Variants in CCDC117 observed in about 807,000 individuals in gnomAD.
The protein encoded by CCDC117 is coiled-coil domain-containing protein 117.
CCDC117 carries 1 observed loss-of-function variant against 23.5 expected under a neutral mutation model. The observed-to-expected ratio is 0.04, with a 90% confidence interval of 0.02 to 0.20. The LOEUF (loss-of-function observed/expected upper bound fraction) is 0.20. Among genes scored for constraint, CCDC117 ranks in the 10% least tolerant of loss-of-function variants. The pLI is 1.00. For synonymous variants in CCDC117, 132 were observed against 124.8 expected (o/e 1.06, Z -0.39); for missense variants, 383 against 348.2 (o/e 1.10, Z -0.80).
chr22:28,773,062 AGGGCGGGC>A (rs139091725), intron 1 of CCDC117, 28 bp downstream of exon 1: 312,129 of 597,672 alleles, frequency 0.52, 64,841 homozygotes, highest in East Asian at 0.78. Flanking sequence ...CGCAGGGCGC[AGGGCGGGC>A]GGGCGGGCGG....
At chr22:28,778,427 G>A (rs993425858) in intron 2 of CCDC117, among the ~76,000 whole-genome samples, 5 of 152,078 alleles carry the variant, frequency 3.3e-5, no homozygotes, top group Non-Finnish European at 5.9e-5. Flanking sequence ...GGCCAACATG[G>A]TGAAACCTCT....
In CCDC117 at chr22:28,781,189, T is replaced by C. The variant is rs777218115; in HGVS notation, c.464+17T>C. On this transcript the variant is annotated intron_variant, in intron 3 of 4. Transcript: ENST00000249064. ...TGAGGACAGGTAAATGGGCAGTGTA[T>C]ATAGCTGGTTTTTTGCTGTTCTCTT... The C allele has an allele frequency of 7.9e-6, 12 of 1,527,106 alleles. No individual in the cohort carries two copies. In the Admixed American group the frequency reaches 1.7e-4, roughly 22 times the overall value. The allele number at this position is 1,527,106 out of a possible 1,614,324, so 94.6% of individuals were successfully genotyped here.
chr22:28,773,844 ATTAC>A (rs71194800), intron 2 of CCDC117, 66 bp downstream of exon 2: 30,644 of 1,230,862 alleles, frequency 0.025, 511 homozygotes, highest in Non-Finnish European at 0.03. Context: ...TATAGTCTAA[ATTAC>A]TTAAGTGAAA....
intron 2 of CCDC117, among the ~76,000 whole-genome samples, chr22:28,776,195 G>A (rs1306417423): frequency 3.8e-4 from 58 of 152,208 alleles, no homozygotes; most frequent in Non-Finnish European, 8.8e-5. Flanking sequence ...GATTGCTTGA[G>A]CCCAGGAATT....
Position 28,789,022 on chromosome 22 carries a change from A to G in CCDC117, c.*2696A>G, listed in dbSNP as rs533826248. On this transcript the variant is annotated 3_prime_UTR_variant, in exon 5 of 5. Transcript: ENST00000249064. ...TATGAAGAAAGTCCAGTTCTCATAA[A>G]TATTGATCACTTAAAAAACTTACTC... is the stretch of plus-strand genomic sequence containing the variant. The G allele has an allele frequency of 4.3e-4, 66 of 151,998 alleles. No individual in the cohort carries two copies. The highest frequency in any genetic ancestry group is 1.6e-3 in the African/African-American group (66 of 41,380). The allele number at this position is 151,998 out of a possible 1,614,324, so 9.4% of individuals were successfully genotyped here.
rs567452283 is a variant in CCDC117, at chr22:28,782,584, G to A, written c.465-924G>A. On this transcript the variant is annotated intron_variant, in intron 3 of 4. Transcript: ENST00000249064. The stretch of plus-strand genomic sequence containing the variant: ...CTCCTGAGTAGCTGGGATTGCAGGT[G>A]CCTGCCATCACACCTGGCTAATTTT... 7.2e-5 allele frequency among the ~76,000 whole-genome samples: 11 copies of A among 152,128 alleles called. No individual in the cohort carries two copies. In the East Asian group the frequency reaches 1.9e-3, roughly 27 times the overall value.
At chr22:28,782,656 C>T (rs1031476370) in intron 3 of CCDC117, among the ~76,000 whole-genome samples, 8 of 152,128 alleles carry the variant, frequency 5.3e-5, no homozygotes, top group Non-Finnish European at 8.8e-5. Flanking sequence ...CCAGGCTGGT[C>T]TCGAACTCCG....
intron 3 of CCDC117, among the ~76,000 whole-genome samples, chr22:28,782,006 TG>T (rs1224440866): frequency 6.8e-6 from 1 of 146,350 alleles, no homozygotes; most frequent in Non-Finnish European, 1.5e-5. Flanking sequence ...TGGAGTGCAG[TG>T]GCTCACTGCA....
intron 4 of CCDC117, among the ~76,000 whole-genome samples, chr22:28,783,931 C>T (rs963176239): frequency 1.6e-4 from 24 of 152,164 alleles, no homozygotes; most frequent in African/African-American, 5.8e-4. Context: ...AGAGAGCCCA[C>T]TCTCAAGTTC....
intron 2 of CCDC117, among the ~76,000 whole-genome samples, chr22:28,780,222 A>G (rs1359013952): frequency 6.6e-6 from 1 of 152,194 alleles, no homozygotes; most frequent in East Asian, 1.9e-4. Flanking sequence ...ATGTGAAGAC[A>G]TTATGTTGCA....
rs559344697 is a variant in CCDC117 at position 28,789,136 on chromosome 22, T to G, written c.*2810T>G. ...GAAGAATGTTTATCAGCACGTTCAT[T>G]TATTATTTTGGATTTGGAACTTGGC... On this transcript the variant is annotated 3_prime_UTR_variant, in exon 5 of 5. Transcript: ENST00000249064. 1 of 152,340 alleles carries G rather than the reference T, an allele frequency of 6.6e-6. No homozygotes were observed. The highest frequency in any genetic ancestry group is 2.1e-4 in the South Asian group (1 of 4,826). The allele number at this position is 152,340 out of a possible 1,614,324, so 9.4% of individuals were successfully genotyped here. A position where few individuals can be genotyped will look rare whatever the true frequency, so the allele number is the denominator to read the frequency against.
At chr22:28,779,692 C>A (rs1369284345) in intron 2 of CCDC117, among the ~76,000 whole-genome samples, 1 of 152,098 alleles carries the variant, frequency 6.6e-6, no homozygotes, top group Non-Finnish European at 1.5e-5. Context: ...TTGCCAGAGA[C>A]TTTAATGTTG....
chr22:28,783,714 C>A, intron 4 of CCDC117, 69 bp downstream of exon 4: 1 of 1,430,974 alleles, frequency 7.0e-7, no homozygotes, highest in Non-Finnish European at 9.7e-7. Flanking sequence ...TAGATTCTGC[C>A]CACCCTGTCC....
At position 28,773,790 on chromosome 22, in the gene CCDC117, T is replaced by G; in HGVS notation, c.239+12T>G. 6.2e-7 allele frequency: 1 copy of G among 1,609,484 alleles called. No individual in the cohort carries two copies. Among genetic ancestry groups the G allele is most frequent in the Non-Finnish European group, 8.5e-7 (1 of 1,175,874 alleles). On this transcript the variant is annotated intron_variant, in intron 2 of 4. Coordinates refer to ENST00000249064, the MANE Select transcript of CCDC117 (RefSeq NM_173510.4). ...GAGGAGGATGATGAGTAAGTTTCAG[T>G]GGTTGTTTATTCACTCTGTGGTCAC... is the stretch of plus-strand genomic sequence containing the variant.
chr22:28,778,046 CCTGT>C (rs2031221339), intron 2 of CCDC117, among the ~76,000 whole-genome samples: 1 of 151,902 alleles, frequency 6.6e-6, no homozygotes, highest in South Asian at 2.1e-4. Context: ...AGGGTTTCAC[CCTGT>C]TAGCCAGGAT....
Position 28,772,897 on chromosome 22 carries a change from C to A in CCDC117, c.48C>A (p.Gly16=). Residue 16 remains glycine, a synonymous_variant, in exon 1 of 5, where the codon GGC becomes GGA. Coordinates refer to ENST00000249064, the MANE Select transcript of CCDC117 (RefSeq NM_173510.4). The part of the protein sequence containing the change: ...RPFSGLPLSG[G]SDFLQPPQPA... ...TCAGCGGCCTCCCTCTGAGCGGCGGCTCGGACTTCCTGCAGCCGCCGCAGC... is the reference window on the plus strand; with the variant it reads ...TCAGCGGCCTCCCTCTGAGCGGCGGATCGGACTTCCTGCAGCCGCCGCAGC... The A allele has an allele frequency of 8.1e-7, 1 of 1,233,226 alleles. No homozygotes were observed. The highest frequency in any genetic ancestry group is 3.2e-5 in the East Asian group (1 of 31,072). 76.4% of individuals were successfully genotyped at this position (1,233,226 alleles called of 1,614,324 possible).
chr22:28,787,359 G>A lies in CCDC117; in HGVS notation c.*1033G>A, dbSNP rs1477582420. 1 of 152,032 alleles carries A rather than the reference G, an allele frequency of 6.6e-6. No individual in the cohort carries two copies. Among genetic ancestry groups the A allele is most frequent in the Non-Finnish European group, 1.5e-5 (1 of 68,022 alleles). The allele number at this position is 152,032 out of a possible 1,614,324, so 9.4% of individuals were successfully genotyped here. ...TTGCCATGTTGGCCAGGCTGGTCTC[G>A]AACTCCTGACCTCAGGTGATCTGCC... On this transcript the variant is annotated 3_prime_UTR_variant, in exon 5 of 5. Transcript: ENST00000249064.
chr22:28,777,380 A>G (rs1221561185), intron 2 of CCDC117, among the ~76,000 whole-genome samples: 1 of 151,824 alleles, frequency 6.6e-6, no homozygotes, highest in South Asian at 2.1e-4. Flanking sequence ...TTTTGTAATT[A>G]TTTGTTAAGC....
At chr22:28,777,900 C>T (rs2031216991) in intron 2 of CCDC117, among the ~76,000 whole-genome samples, 1 of 150,374 alleles carries the variant, frequency 6.7e-6, no homozygotes, top group Admixed American at 6.6e-5. Context: ...GCCCAGGTTG[C>T]AGTACAGTCG....
Sources: allele counts gnomAD v4.1 joint callset (sites outside exome capture counted in the v4.1 genomes callset), GRCh38; gene constraint gnomAD v4.1.1; transcripts MANE v1.5; gene names NCBI Gene and HGNC (gene_info 2026-07-23, HGNC 2026-07-21).